The following CNTN4 variants were observed in gnomAD, a reference collection of about 807,000 sequenced individuals.
CNTN4 encodes the protein contactin-4.
In CNTN4, 77 loss-of-function variants were observed where a neutral mutation model predicts 122.5. The observed-to-expected ratio is 0.63, with a 90% CI of 0.52 to 0.76. The LOEUF is 0.76. Among genes scored for constraint, CNTN4 ranks in the 30% least tolerant of loss-of-function variants. CNTN4 has a pLI of 0.00. For missense variants in CNTN4, 1,256 were observed against 1,259.1 expected, an observed-to-expected ratio of 1.00 and a Z score of 0.04; for synonymous variants, 512 against 447.0, an observed-to-expected ratio of 1.15 and a Z score of -1.83.
At chr3:2,411,429 T>C (rs2047223666) in intron 3 of CNTN4, among the ~76,000 whole-genome samples, 1 of 152,224 alleles carries the variant, frequency 6.6e-6, no homozygotes, top group African/African-American at 2.4e-5. Context: ...TAAAGCTACC[T>C]GAAATCTAAC....
intron 2 of CNTN4, among the ~76,000 whole-genome samples, chr3:2,150,742 C>T (rs2035460726): frequency 6.6e-6 from 1 of 152,162 alleles, no homozygotes; most frequent in South Asian, 2.1e-4. Context: ...CTTGGAAGAG[C>T]AGGGCACTCT....
At chr3:2,674,731 C>A (rs1226190000) in intron 4 of CNTN4, among the ~76,000 whole-genome samples, 1 of 151,606 alleles carries the variant, frequency 6.6e-6, no homozygotes, top group African/African-American at 2.4e-5. Context: ...GCACTCCAGT[C>A]TGGGTGACAG....
At chr3:2,898,386 G>T (rs946191454) in intron 10 of CNTN4, among the ~76,000 whole-genome samples, 1 of 152,066 alleles carries the variant, frequency 6.6e-6, no homozygotes, top group African/African-American at 2.4e-5. Flanking sequence ...TTTCACCTTG[G>T]CCCGCACAAA....
At chr3:2,188,326 C>G (rs2037369942) in intron 2 of CNTN4, among the ~76,000 whole-genome samples, 1 of 152,140 alleles carries the variant, frequency 6.6e-6, no homozygotes, top group African/African-American at 2.4e-5. Flanking sequence ...CCTGGCCCCT[C>G]TCTTGTTCTG....
chr3:2,554,848 C>T (rs962858269), intron 3 of CNTN4, among the ~76,000 whole-genome samples: 1 of 152,132 alleles, frequency 6.6e-6, no homozygotes, highest in Non-Finnish European at 1.5e-5. Context: ...TGACAGGGGC[C>T]CCAAATGAGG....
At chr3:2,894,323 A>C (rs2094081143) in intron 10 of CNTN4, among the ~76,000 whole-genome samples, 1 of 152,198 alleles carries the variant, frequency 6.6e-6, no homozygotes, top group Non-Finnish European at 1.5e-5. Flanking sequence ...GCACTTTAAG[A>C]AGGATACATT....
At chr3:2,863,233 A>T (rs1374831635) in intron 7 of CNTN4, among the ~76,000 whole-genome samples, 1 of 152,174 alleles carries the variant, frequency 6.6e-6, no homozygotes, top group Non-Finnish European at 1.5e-5. Context: ...CGTGAAAAAA[A>T]CTAAGTTAAT....
At chr3:2,358,076 C>T (rs1502574) in intron 3 of CNTN4, among the ~76,000 whole-genome samples, 36,402 of 151,918 alleles carry the variant, frequency 0.24, 4,788 homozygotes, top group African/African-American at 0.33. Flanking sequence ...TTAGTGTGGA[C>T]GAGGGGAAGT....
At chr3:2,991,924 C>T (rs1034084006) in intron 14 of CNTN4, among the ~76,000 whole-genome samples, 1 of 152,210 alleles carries the variant, frequency 6.6e-6, no homozygotes, top group African/African-American at 2.4e-5. Context: ...CCGATTTCCT[C>T]ATGTGTCTGG....
At chr3:2,767,018 C>G (rs2090891134) in intron 6 of CNTN4, among the ~76,000 whole-genome samples, 1 of 152,000 alleles carries the variant, frequency 6.6e-6, no homozygotes, top group Admixed American at 6.5e-5. Flanking sequence ...TCAAAGCTCA[C>G]TAGGATGCAA....
intron 5 of CNTN4, among the ~76,000 whole-genome samples, chr3:2,745,205 G>A (rs1202121631): frequency 6.6e-6 from 1 of 152,196 alleles, no homozygotes; most frequent in African/African-American, 2.4e-5. Flanking sequence ...GAAGAAAGCT[G>A]CACAGGTGCT....
rs577113430 is a variant in CNTN4, at chr3:2,388,361, T to G, written c.-89+49128T>G. On this transcript the variant is annotated intron_variant, in intron 3 of 24. Transcript: ENST00000418658. Reference sequence around the variant, plus strand: ...GGGATCAATGCATTGCCATTCTCAGTGGATGAAGAGCTGAGATTTGGGATA... The same window carrying G: ...GGGATCAATGCATTGCCATTCTCAGGGGATGAAGAGCTGAGATTTGGGATA... 2.6e-4 allele frequency among the ~76,000 whole-genome samples: 39 copies of G among 152,284 alleles called. 2 individuals carry two copies. The highest frequency in any genetic ancestry group is 8.9e-4 in the African/African-American group (37 of 41,566).
At chr3:2,478,525 T>A (rs2075895128) in intron 3 of CNTN4, among the ~76,000 whole-genome samples, 1 of 152,000 alleles carries the variant, frequency 6.6e-6, no homozygotes. Flanking sequence ...ATCATCTCAT[T>A]ACCCAGATAC....
At chr3:2,609,173 A>T (rs2081380157) in intron 4 of CNTN4, among the ~76,000 whole-genome samples, 1 of 152,242 alleles carries the variant, frequency 6.6e-6, no homozygotes, top group Admixed American at 6.5e-5. Context: ...TTGTGTTGAA[A>T]TGTAATCTGC....
At chr3:2,762,084 A>G (rs1303288440) in intron 6 of CNTN4, among the ~76,000 whole-genome samples, 1 of 152,228 alleles carries the variant, frequency 6.6e-6, no homozygotes, top group Non-Finnish European at 1.5e-5. Context: ...GAAGACAGAC[A>G]TTGAACAAGT....
chr3:2,163,598 T>C (rs369018928), intron 2 of CNTN4, among the ~76,000 whole-genome samples: 1 of 151,944 alleles, frequency 6.6e-6, no homozygotes, highest in African/African-American at 2.4e-5. Flanking sequence ...TTGCAAACTA[T>C]GCATCTGACA....
intron 10 of CNTN4, among the ~76,000 whole-genome samples, chr3:2,890,866 T>C (rs946411436): frequency 2.0e-5 from 3 of 152,228 alleles, no homozygotes; most frequent in Non-Finnish European, 1.5e-5. Context: ...AATCTACTTT[T>C]CTCAGTCTGT....
chr3:2,674,954 T>A (rs191892281), intron 4 of CNTN4, among the ~76,000 whole-genome samples: 12 of 152,314 alleles, frequency 7.9e-5, no homozygotes, highest in African/African-American at 2.9e-4. Context: ...ATTGCTTTAG[T>A]TTCCACATAT....
At chr3:3,043,289 C>G (rs772928611) in intron 22 of CNTN4, 126 bp downstream of exon 22, 6 of 981,622 alleles carry the variant, frequency 6.1e-6, no homozygotes, top group Admixed American at 4.0e-5. Flanking sequence ...AAATTTCCCT[C>G]AGCATTTTAA....
Sources: allele counts gnomAD v4.1 joint callset (sites outside exome capture counted in the v4.1 genomes callset), GRCh38; gene constraint gnomAD v4.1.1; transcripts MANE v1.5; gene names NCBI Gene and HGNC (gene_info 2026-07-23, HGNC 2026-07-21).